Variants in CCDC102A observed in about 807,000 individuals in gnomAD.
CCDC102A encodes the protein coiled-coil domain-containing protein 102A.
Under a neutral mutation model 55.5 loss-of-function variants are expected in CCDC102A, and 40 were observed. The ratio of observed to expected loss-of-function variants is 0.72; its 90% CI spans 0.56 to 0.94. The LOEUF (loss-of-function observed/expected upper bound fraction) is 0.94. Ranked by LOEUF, CCDC102A falls within the 40% of genes least tolerant of loss-of-function variation. The probability of loss-of-function intolerance (pLI) is 0.00; values close to 1 mark genes in which losing one functional copy is unlikely to be tolerated. For missense variants in CCDC102A, 779 were observed against 768.6 expected (o/e 1.01, Z -0.16); for synonymous variants, 323 against 339.0 (o/e 0.95, Z 0.52).
intron 8 of CCDC102A, among the ~76,000 whole-genome samples, chr16:57,514,751 A>G (rs1462674648): frequency 1.3e-5 from 2 of 152,194 alleles, no homozygotes; most frequent in Non-Finnish European, 2.9e-5. Context: ...GCACAGGTCA[A>G]TGCTGTGGCT....
Position 57,518,156 on chromosome 16 carries a change from T to C in CCDC102A, c.1160A>G (p.Glu387Gly), listed in dbSNP as rs1394364429. ...KLRAQVGDLE[E>G]ALARRRRQTA... is the part of the protein sequence containing the mutation. Reference sequence around the variant, plus strand: ...TTGCCGCCGCCGCCGGGCCAGCGCCTCCTCCAGGTCTCCGACCTGTGCCCG... The same window carrying C: ...TTGCCGCCGCCGCCGGGCCAGCGCCCCCTCCAGGTCTCCGACCTGTGCCCG... Residue 387 changes from glutamate to glycine, a missense_variant, in exon 6 of 9, where the codon GAG (glutamate) becomes GGG (glycine). Physicochemically the swap from Glu to Gly is moderately conservative, Grantham distance 98. Coordinates refer to ENST00000258214, the MANE Select transcript of CCDC102A (RefSeq NM_033212.4). The C allele has an allele frequency of 6.2e-7, 1 of 1,611,916 alleles. No individual in the cohort carries two copies. Among genetic ancestry groups the C allele is most frequent in the Non-Finnish European group, 8.5e-7 (1 of 1,179,828 alleles).
chr16:57,529,427 G>A lies in CCDC102A; in HGVS notation c.-147-103C>T, dbSNP rs1418552496. 2 of 242,802 alleles carry A rather than the reference G, an allele frequency of 8.2e-6. No individual in the cohort carries two copies. The highest frequency in any genetic ancestry group is 4.6e-5 in the African/African-American group (2 of 43,256). 15.0% of individuals were successfully genotyped at this position (242,802 alleles called of 1,614,324 possible). A position where few individuals can be genotyped will look rare whatever the true frequency, so the allele number is the denominator to read the frequency against. ...GGGAACAGAACGGCCAAGGTAGGAG[G>A]AGAGAGTTCTGTTCCAGGAGAGTCC... On this transcript the variant is annotated intron_variant, in intron 1 of 8. Coordinates refer to ENST00000258214, the MANE Select transcript of CCDC102A (RefSeq NM_033212.4). The surrounding 1 kb of genome is among the most constrained non-coding windows in gnomAD (Gnocchi z 4.1).
chr16:57,520,272 T>C (rs772510604), intron 4 of CCDC102A, among the ~76,000 whole-genome samples: 42 of 152,230 alleles, frequency 2.8e-4, no homozygotes, highest in Non-Finnish European at 4.7e-4. Context: ...TCAGGACCTT[T>C]GCACCGCTGT....
At chr16:57,520,559 A>AACATAACATG (rs2032027761) in intron 4 of CCDC102A, among the ~76,000 whole-genome samples, 1 of 132,016 alleles carries the variant, frequency 7.6e-6, no homozygotes, top group African/African-American at 3.4e-5. Flanking sequence ...AACATAACAT[A>AACATAACATG]ACATAACATA....
chr16:57,530,084 G>A (rs1403780028), intron 1 of CCDC102A, among the ~76,000 whole-genome samples: 3 of 152,090 alleles, frequency 2.0e-5, no homozygotes, highest in Non-Finnish European at 2.9e-5. Context: ...ATGAACGCAC[G>A]CGCTGGGGAT....
chr16:57,512,784 C>G lies in CCDC102A; in HGVS notation c.1610G>C (p.Ser537Thr), dbSNP rs1460945421. 6.2e-7 allele frequency: 1 copy of G among 1,614,222 alleles called. No homozygotes were observed. Among genetic ancestry groups the G allele is most frequent in the Non-Finnish European group, 8.5e-7 (1 of 1,180,030 alleles). ...CAGGTCCTCGTCCTCGTCCAGGTCA[C>G]TGGTTCCATCCTCGGCCTCCTCGGT... The part of the protein sequence containing the change: ...FGTEEAEDGT[S>T]DLDEDEDLQI... The change falls in exon 9 of 9, where the codon AGT becomes ACT. Residue 537 changes from serine (S) to threonine (T), a missense_variant. By Grantham distance (58) the Ser-to-Thr change is moderately conservative (BLOSUM62 1). Transcript: ENST00000258214.
chr16:57,530,472 A>G (rs72791632), intron 1 of CCDC102A, among the ~76,000 whole-genome samples: 12,249 of 152,190 alleles, frequency 0.08, 649 homozygotes, highest in East Asian at 0.19. Flanking sequence ...TTTCTGAGTG[A>G]TCAGTGTACT....
At chr16:57,525,762 G>C in intron 3 of CCDC102A, 139 bp downstream of exon 3, 1 of 760,882 alleles carries the variant, frequency 1.3e-6, no homozygotes, top group Non-Finnish European at 2.1e-6. Flanking sequence ...GTTCTTGGGT[G>C]GAACACCACT....
chr16:57,531,264 G>A (rs192574718), intron 1 of CCDC102A, among the ~76,000 whole-genome samples: 2 of 150,432 alleles, frequency 1.3e-5, no homozygotes, highest in East Asian at 2.0e-4. Flanking sequence ...GTGCTCCTCC[G>A]AGAGAAGGCA....
At position 57,515,495 on chromosome 16, in the gene CCDC102A, AG is replaced by A. The variant is rs1381995555; in HGVS notation, c.1420-52del. ...CACGAGGGTCACCCAGGGCTGGGCA[AG>A]GCCGGCCACCCGCCCAGGGAAAACC... On this transcript the variant is annotated intron_variant, in intron 7 of 8. Transcript: ENST00000258214. 1.1e-5 allele frequency: 14 copies of A among 1,264,896 alleles called. No homozygotes were observed. The Admixed American group carries it at 2.1e-4, about 19-fold the overall frequency. 78.4% of individuals were successfully genotyped at this position (1,264,896 alleles called of 1,614,324 possible).
At position 57,526,050 on chromosome 16, in the gene CCDC102A, C is replaced by T. The variant is rs1259096308; in HGVS notation, c.663G>A (p.Gly221=). The T allele has an allele frequency of 3.1e-6, 5 of 1,593,600 alleles. No homozygotes were observed. Among genetic ancestry groups the T allele is most frequent in the East Asian group, 2.3e-5 (1 of 44,436 alleles). Reference sequence around the variant, plus strand: ...CTGAGCTGCCCCGCGGGCCCCCAGCCCCCAGGCTGCGCGCCTCCCAGCAGT... The same window carrying T: ...CTGAGCTGCCCCGCGGGCCCCCAGCTCCCAGGCTGCGCGCCTCCCAGCAGT... ...SEDCWEARSL[G]AGGPRGSSGR... is the part of the protein sequence containing the mutation. The change falls in exon 3 of 9, where the codon GGG becomes GGA. Residue 221 remains glycine, a synonymous_variant. Transcript: ENST00000258214.
At chr16:57,526,585 C>T (rs1356106525) in intron 2 of CCDC102A, among the ~76,000 whole-genome samples, 2 of 152,170 alleles carry the variant, frequency 1.3e-5, no homozygotes, top group East Asian at 1.9e-4. Context: ...GAGCCAGCTC[C>T]CAGACAGGAA....
chr16:57,536,152 G>A (rs911101361), intron 1 of CCDC102A, among the ~76,000 whole-genome samples: 46 of 152,198 alleles, frequency 3.0e-4, no homozygotes, highest in African/African-American at 9.6e-4. Context: ...TCCCGCATTC[G>A]CCATGGCGAC....
In CCDC102A at chr16:57,515,436, C is replaced by G. The variant is rs1300306251; in HGVS notation, c.1428G>C (p.Glu476Asp). 6.2e-7 allele frequency: 1 copy of G among 1,602,266 alleles called. No individual in the cohort carries two copies. Among genetic ancestry groups the G allele is most frequent in the Admixed American group, 1.7e-5 (1 of 58,938 alleles). The change falls in exon 8 of 9, where the codon GAG becomes GAC. Residue 476 changes from glutamate to aspartate, a missense_variant. Coordinates refer to ENST00000258214, the MANE Select transcript of CCDC102A (RefSeq NM_033212.4). ...ELAQAEDELD[E>D]AHNQARKLQR... is the part of the protein sequence containing the mutation. ...GCAGCTTACGTGCCTGGTTGTGGGC[C>G]TCGTCCAGCTGTGGGGGTGAGCAGG... is the stretch of plus-strand genomic sequence containing the variant.
intron 1 of CCDC102A, among the ~76,000 whole-genome samples, chr16:57,535,410 G>T (rs2032353316): frequency 6.6e-6 from 1 of 152,152 alleles, no homozygotes; most frequent in Non-Finnish European, 1.5e-5. Context: ...GACCAACTGA[G>T]GCCCAGAGGG....
chr16:57,527,695 C>T (rs1347279445), intron 2 of CCDC102A, among the ~76,000 whole-genome samples: 2 of 152,218 alleles, frequency 1.3e-5, no homozygotes, highest in South Asian at 4.1e-4. Context: ...GCTGGGATTA[C>T]AGGCGTGAAC....
chr16:57,533,141 A>T (rs1190103224), intron 1 of CCDC102A, among the ~76,000 whole-genome samples: 3 of 152,084 alleles, frequency 2.0e-5, no homozygotes, highest in African/African-American at 7.2e-5. Flanking sequence ...GACTCACCTC[A>T]TTCTCCTTCC....
intron 8 of CCDC102A, among the ~76,000 whole-genome samples, chr16:57,514,970 C>A (rs1266807049): frequency 6.6e-6 from 1 of 152,096 alleles, no homozygotes; most frequent in East Asian, 1.9e-4. Flanking sequence ...TCTCTCAGAT[C>A]CCTGCTGTCT....
intron 4 of CCDC102A, among the ~76,000 whole-genome samples, 169 bp downstream of exon 4, chr16:57,520,899 C>T (rs1321023566): frequency 3.3e-5 from 5 of 149,772 alleles, no homozygotes; most frequent in Admixed American, 3.3e-4. Flanking sequence ...AAGATCACAC[C>T]ACTGCACTCC....
Sources: gnomAD v4.1 joint callset for allele counts (sites outside exome capture counted in the v4.1 genomes callset) on GRCh38, gnomAD v4.1.1 for gene constraint, Gnocchi (gnomAD v3.1) non-coding constraint, MANE v1.5 for transcripts, NCBI Gene and HGNC (gene_info 2026-07-23, HGNC 2026-07-21) for gene names.